Variants in CCDC125 observed in about 807,000 individuals in gnomAD.
CCDC125 encodes coiled-coil domain-containing protein 125.
Under a neutral mutation model 57.4 loss-of-function variants are expected in CCDC125, and 43 were observed. The ratio of observed to expected loss-of-function variants is 0.75; its 90% CI spans 0.59 to 0.97. CCDC125 has a LOEUF of 0.97. CCDC125 is among the 50% of genes least tolerant of loss of function. The pLI, the probability that CCDC125 is intolerant of heterozygous loss-of-function variation, is 0.00. For synonymous variants in CCDC125, 187 were observed against 195.2 expected (o/e 0.96, Z 0.35); for missense variants, 563 against 595.7 (o/e 0.95, Z 0.57).
At chr5:69,329,652 G>A (rs1433569051) in intron 1 of CCDC125, among the ~76,000 whole-genome samples, 1 of 151,592 alleles carries the variant, frequency 6.6e-6, no homozygotes, top group Non-Finnish European at 1.5e-5. Context: ...ACAGGTGCCT[G>A]CCACCACACC....
downstream of CCDC125, among the ~76,000 whole-genome samples, chr5:69,279,412 G>A (rs997425970): frequency 3.9e-5 from 6 of 152,074 alleles, no homozygotes; most frequent in South Asian, 2.1e-4. Flanking sequence ...TAGCCAGGAT[G>A]GTCTCTATCT....
At chr5:69,327,924 C>T (rs543062773) in intron 1 of CCDC125, among the ~76,000 whole-genome samples, 1 of 152,152 alleles carries the variant, frequency 6.6e-6, no homozygotes, top group South Asian at 2.1e-4. Context: ...TAAAAGTGTC[C>T]TTTTGGTTTT....
In CCDC125 at chr5:69,300,072, C is replaced by A. The variant is rs1331042477; in HGVS notation, c.756G>T (p.Lys252Asn). The A allele has an allele frequency of 1.2e-6, 2 of 1,614,118 alleles. No homozygotes were observed. The highest frequency in any genetic ancestry group is 1.7e-5 in the Admixed American group (1 of 59,988). Residue 252 changes from lysine to asparagine, a missense_variant, in exon 8 of 12, where the codon AAG (lysine) becomes AAT (asparagine). Coordinates refer to ENST00000396496, the MANE Select transcript of CCDC125 (RefSeq NM_176816.5). ...ALAMLDIKQQKMAQENMCCDK... is the reference protein window; with the variant it reads ...ALAMLDIKQQNMAQENMCCDK... ...CACAGCACATGTTTTCCTGAGCCAT[C>A]TTCTGCTGTTTGATATCAAGCATGG...
chr5:69,283,410 C>T (rs369189180), intron 11 of CCDC125, among the ~76,000 whole-genome samples: 130 of 151,968 alleles, frequency 8.6e-4, no homozygotes, highest in Middle Eastern at 6.8e-3. Flanking sequence ...TTAGTAGAGA[C>T]GGGGTTTCAC....
rs566599469 is a variant in CCDC125 at position 69,311,416 on chromosome 5, C to T, written c.367-212G>A. Among the ~76,000 whole-genome samples the T allele has an allele frequency of 2.0e-5, 3 of 152,200 alleles. No individual in the cohort carries two copies. The South Asian group carries it at 6.2e-4, about 32-fold the overall frequency. On this transcript the variant is annotated intron_variant, in intron 3 of 11. Coordinates refer to ENST00000396496, the MANE Select transcript of CCDC125 (RefSeq NM_176816.5). ...CTGTAATCCCTGCATTTTGGGAGGCCAAGGTGGGTGGATCACCTGAGGTCA... is the reference window on the plus strand; with the variant it reads ...CTGTAATCCCTGCATTTTGGGAGGCTAAGGTGGGTGGATCACCTGAGGTCA...
intron 1 of CCDC125, among the ~76,000 whole-genome samples, chr5:69,324,821 TG>T (rs1760520936): frequency 6.6e-6 from 1 of 152,130 alleles, no homozygotes; most frequent in Admixed American, 6.6e-5. Flanking sequence ...GAAACCAGCC[TG>T]GGCAACATAG....
chr5:69,275,054 ACT>A, the CCDC125 span, among the ~76,000 whole-genome samples: 1 of 145,650 alleles, frequency 6.9e-6, no homozygotes, highest in Non-Finnish European at 1.5e-5. Context: ...ACAGGGTGAG[ACT>A]CTGTATCCAA....
At chr5:69,311,513 G>A (rs1041219581) in intron 3 of CCDC125, among the ~76,000 whole-genome samples, 3 of 152,090 alleles carry the variant, frequency 2.0e-5, no homozygotes, top group Non-Finnish European at 4.4e-5. Context: ...ATTGCTGGGC[G>A]TGGTGGTGCA....
At chr5:69,308,160 C>T in intron 4 of CCDC125, 132 bp from the exon 5 acceptor site, 3 of 679,800 alleles carry the variant, frequency 4.4e-6, no homozygotes, top group Non-Finnish European at 7.8e-6. Flanking sequence ...CAGTGACCAC[C>T]TTTTATGGAG....
At chr5:69,322,951 G>A (rs1760264209) in intron 1 of CCDC125, among the ~76,000 whole-genome samples, 1 of 151,936 alleles carries the variant, frequency 6.6e-6, no homozygotes, top group African/African-American at 2.4e-5. Flanking sequence ...GGAGGCTGCA[G>A]TGAGCCATAA....
intron 2 of CCDC125, among the ~76,000 whole-genome samples, chr5:69,317,008 G>A (rs1447087136): frequency 6.6e-6 from 1 of 151,896 alleles, no homozygotes; most frequent in African/African-American, 2.4e-5. Flanking sequence ...GTTTCTTCAT[G>A]CTGTTTGTTT....
chr5:69,282,991 C>T lies in CCDC125; in HGVS notation c.1274G>A (p.Ser425Asn). 2 of 1,606,562 alleles carry T rather than the reference C, an allele frequency of 1.2e-6. No homozygotes were observed. Among genetic ancestry groups the T allele is most frequent in the Non-Finnish European group, 1.7e-6 (2 of 1,177,384 alleles). ...TTCCAATGCCCGAGCAAGCATGTAGCTAACTTTTCTTTGATGAGCCAAAGC... is the reference window on the plus strand; with the variant it reads ...TTCCAATGCCCGAGCAAGCATGTAGTTAACTTTTCTTTGATGAGCCAAAGC... ...EEALAHQRKV[S>N]YMLARALEDK... The change falls in exon 12 of 12, where the codon AGC (serine) becomes AAC (asparagine). Residue 425 changes from serine to asparagine, a missense_variant. Physicochemically the swap from Ser to Asn is conservative, Grantham distance 46. Coordinates refer to ENST00000396496, the MANE Select transcript of CCDC125 (RefSeq NM_176816.5).
At chr5:69,279,400 G>T (rs1009066270), downstream of CCDC125, among the ~76,000 whole-genome samples, 2 of 152,044 alleles carry the variant, frequency 1.3e-5, no homozygotes, top group Admixed American at 6.6e-5. Flanking sequence ...GTTTCACTGT[G>T]TTAGCCAGGA....
rs370810498 is a variant in CCDC125 at position 69,292,649 on chromosome 5, T to C, written c.925-287A>G. Among the ~76,000 whole-genome samples the C allele has an allele frequency of 2.0e-5, 3 of 152,246 alleles. No homozygotes were observed. The East Asian group carries it at 5.8e-4, about 29-fold the overall frequency. ...GCCCTGTGTGTGTGTCCTGCTCAAG[T>C]CCTGGGACAAAGGGCCCAGCATGAA... On this transcript the variant is annotated intron_variant, in intron 9 of 11. Coordinates refer to ENST00000396496, the MANE Select transcript of CCDC125 (RefSeq NM_176816.5).
At chr5:69,276,174 A>G (rs890461251), downstream of CCDC125, among the ~76,000 whole-genome samples, 15 of 152,034 alleles carry the variant, frequency 9.9e-5, no homozygotes, top group African/African-American at 3.6e-4. Context: ...GACTACAGAC[A>G]TGCACCACCA....
intron 1 of CCDC125, among the ~76,000 whole-genome samples, chr5:69,322,669 T>C (rs1244590750): frequency 1.3e-5 from 2 of 151,894 alleles, no homozygotes; most frequent in African/African-American, 4.8e-5. Flanking sequence ...TTCAAGCAAT[T>C]CTCCTGCTTC....
intron 11 of CCDC125, 22 bp downstream of exon 11, chr5:69,285,314 CA>C (rs200323660): frequency 1.1e-5 from 18 of 1,606,036 alleles, no homozygotes; most frequent in Admixed American, 3.5e-5. Context: ...CCATAACCTG[CA>C]AAAAAAAGCA....
At chr5:69,319,950 G>A (rs1040691315) in intron 2 of CCDC125, among the ~76,000 whole-genome samples, 5 of 151,924 alleles carry the variant, frequency 3.3e-5, no homozygotes, top group East Asian at 2.0e-4. Flanking sequence ...GTGAAACCTC[G>A]CCTCTACTAA....
At position 69,324,829 on chromosome 5, in the gene CCDC125, A is replaced by G. The variant is rs544468736; in HGVS notation, c.-40-4249T>C. ...GGAGTTCGAAACCAGCCTGGGCAACATAGCGAGATCCCCATCACTAATTAA... is the reference window on the plus strand; with the variant it reads ...GGAGTTCGAAACCAGCCTGGGCAACGTAGCGAGATCCCCATCACTAATTAA... On this transcript the variant is annotated intron_variant, in intron 1 of 11. Coordinates refer to ENST00000396496, the MANE Select transcript of CCDC125 (RefSeq NM_176816.5). Among the ~76,000 whole-genome samples the G allele has an allele frequency of 2.6e-5, 4 of 152,304 alleles. No individual in the cohort carries two copies. In the South Asian group the frequency reaches 8.3e-4, roughly 32 times the overall value.
Sources: gnomAD v4.1 joint callset for allele counts (sites outside exome capture counted in the v4.1 genomes callset) on GRCh38, gnomAD v4.1.1 for gene constraint, MANE v1.5 for transcripts, NCBI Gene and HGNC (gene_info 2026-07-23, HGNC 2026-07-21) for gene names.